Variants in ZBTB45 observed in about 807,000 individuals in gnomAD.
ZBTB45 encodes the protein zinc finger and BTB domain containing 45.
Under a neutral mutation model 28.4 loss-of-function variants are expected in ZBTB45, and 22 were observed. That is an observed-to-expected ratio of 0.77 (90% confidence interval 0.55 to 1.10). ZBTB45 has a LOEUF of 1.10. Ranked by LOEUF, ZBTB45 falls within the 50% of genes least tolerant of loss-of-function variation. The pLI, the probability that ZBTB45 is intolerant of heterozygous loss-of-function variation, is 0.00. For synonymous variants in ZBTB45, 361 were observed against 332.3 expected (o/e 1.09, Z -0.94); for missense variants, 656 against 750.2 (o/e 0.87, Z 1.47).
chr19:58,523,618 TC>T (rs1459042863), upstream of ZBTB45, among the ~76,000 whole-genome samples: 4 of 92 alleles, frequency 0.043, no homozygotes, highest in East Asian at 0.25. Flanking sequence ...GAGCCAGAGA[TC>T]AGCTGTCATT....
chr19:58,524,940 G>A (rs2053600121), intron 1 of ZBTB45, among the ~76,000 whole-genome samples: 1 of 152,072 alleles, frequency 6.6e-6, no homozygotes, highest in Non-Finnish European at 1.5e-5. Flanking sequence ...GATGGGAAAT[G>A]GTGGCCATTG....
chr19:58,532,528 G>A (rs955826888), intron 1 of ZBTB45, among the ~76,000 whole-genome samples: 3 of 152,090 alleles, frequency 2.0e-5, no homozygotes, highest in African/African-American at 4.8e-5. Flanking sequence ...AAGCTGGGGT[G>A]GAGCTCTTCC....
chr19:58,528,052 G>T (rs957565244), intron 1 of ZBTB45, among the ~76,000 whole-genome samples: 1 of 152,038 alleles, frequency 6.6e-6, no homozygotes, highest in Non-Finnish European at 1.5e-5. Flanking sequence ...TGAAAGCTTC[G>T]GGGGATAAAT....
At chr19:58,518,035 C>T (rs1318468629) in intron 1 of ZBTB45, among the ~76,000 whole-genome samples, 1 of 140,012 alleles carries the variant, frequency 7.1e-6, no homozygotes, top group East Asian at 2.5e-4. Context: ...TCCAATAACC[C>T]TAAGCCTCCC....
chr19:58,531,575 A>G (rs557906201), intron 1 of ZBTB45, among the ~76,000 whole-genome samples: 2 of 152,314 alleles, frequency 1.3e-5, no homozygotes, highest in South Asian at 2.1e-4. Context: ...TTCTTTGGTA[A>G]GCAAGCAAGA....
intron 2 of ZBTB45, 31 bp from the exon 3 acceptor site, chr19:58,514,341 A>G: frequency 6.3e-7 from 1 of 1,575,786 alleles, no homozygotes; most frequent in Non-Finnish European, 8.6e-7. Context: ...CGCGAACGCA[A>G]GTCAGACTCT....
rs1175763487 is a variant in ZBTB45 at position 58,515,596 on chromosome 19, ACAGT to A, written c.1279+795_1279+798del. 6.6e-6 allele frequency among the ~76,000 whole-genome samples: 1 copy of A among 152,078 alleles called. No individual in the cohort carries two copies. The highest frequency in any genetic ancestry group is 2.4e-5 in the African/African-American group (1 of 41,410). ...GAACACCATGGCTTCCCCACCACTC[ACAGT>A]CAAATCCCAAGTTCCAGCCCCTGCA... On this transcript the variant is annotated intron_variant, in intron 2 of 2. Transcript: ENST00000594051. The surrounding 1 kb of genome is among the most constrained non-coding windows in gnomAD (Gnocchi z 4.7).
Position 58,516,608 on chromosome 19 carries a change from G to C in ZBTB45, c.1066C>G (p.Pro356Ala). The C allele has an allele frequency of 6.4e-7, 1 of 1,560,838 alleles. No homozygotes were observed. The highest frequency in any genetic ancestry group is 8.7e-7 in the Non-Finnish European group (1 of 1,154,008). The change falls in exon 2 of 3, where the codon CCC (proline) becomes GCC (alanine). Residue 356 changes from proline to alanine, a missense_variant. Pro to Ala is a conservative substitution (Grantham distance 27, BLOSUM62 -1). Around this residue, in one of 3 missense-constraint regions of ZBTB45, gnomAD observed 448 missense variants for 444.3 expected, o/e 1.01. Transcript: ENST00000594051. This position sits in a 1 kb window ranked among gnomAD's most constrained non-coding sequence, Gnocchi z 6.2. Reference sequence around the variant, plus strand: ...AGTGTGGGGTAGAAGGCGGGTGGGGGCGCAGGGGCTGGCCCCGATGGTGCT... The same window carrying C: ...AGTGTGGGGTAGAAGGCGGGTGGGGCCGCAGGGGCTGGCCCCGATGGTGCT... ...PSAPSGPAPA[P>A]PPAFYPTLQP...
chr19:58,533,709 G>T (rs928963148), intron 1 of ZBTB45, among the ~76,000 whole-genome samples: 1 of 152,068 alleles, frequency 6.6e-6, no homozygotes, highest in African/African-American at 2.4e-5. Context: ...TCCCCAACTG[G>T]AACCTTTGAA....
rs529803554 is a variant in ZBTB45, at chr19:58,538,416, C to A, written c.-1+285G>T. Among the ~76,000 whole-genome samples, 26 of 152,124 alleles carry A rather than the reference C, an allele frequency of 1.7e-4. No individual in the cohort carries two copies. In the South Asian group the frequency reaches 5.4e-3, roughly 32 times the overall value. Reference sequence around the variant, plus strand: ...AGGGTGGTGGGCTGGAGGGGGCGGGCCGGCTAGCGAGGCGTGGCCCTATGA... The same window carrying A: ...AGGGTGGTGGGCTGGAGGGGGCGGGACGGCTAGCGAGGCGTGGCCCTATGA... On this transcript the variant is annotated intron_variant, in intron 1 of 1. Coordinates refer to the ZBTB45 transcript ENST00000600130.
At chr19:58,518,817 C>T (rs951312282) in intron 1 of ZBTB45, among the ~76,000 whole-genome samples, 8 of 152,114 alleles carry the variant, frequency 5.3e-5, no homozygotes, top group Non-Finnish European at 8.8e-5. Flanking sequence ...TCCGTATAGG[C>T]TCCACCAGCC....
intron 1 of ZBTB45, among the ~76,000 whole-genome samples, chr19:58,527,356 C>T (rs952986405): frequency 2.0e-5 from 3 of 152,130 alleles, no homozygotes; most frequent in Admixed American, 2.0e-4. Flanking sequence ...TGTTGTGTAA[C>T]CTTCACCACT....
chr19:58,537,144 T>C (rs561062751), intron 1 of ZBTB45, among the ~76,000 whole-genome samples: 35 of 152,146 alleles, frequency 2.3e-4, no homozygotes, highest in Non-Finnish European at 4.4e-4. Context: ...CCCACTCTGC[T>C]GTCCCTGAGT....
At chr19:58,534,704 C>G (rs1035997698) in intron 1 of ZBTB45, among the ~76,000 whole-genome samples, 1 of 151,800 alleles carries the variant, frequency 6.6e-6, no homozygotes, top group Non-Finnish European at 1.5e-5. Flanking sequence ...CTACAGGTGC[C>G]CGCCACCACG....
Position 58,516,869 on chromosome 19 carries a change from C to T in ZBTB45, c.805G>A (p.Gly269Arg), listed in dbSNP as rs762321942. 1.2e-4 allele frequency: 190 copies of T among 1,613,318 alleles called. No homozygotes were observed. Among genetic ancestry groups the T allele is most frequent in the Middle Eastern group, 1.6e-4 (1 of 6,084 alleles). ...PTGLADYSGA[G>R]RDFLRGAGSA... ...CCAGCTCCCCGAAGAAAATCTCTCC[C>T]GGCACCACTGTAGTCAGCGAGGCCA... is the stretch of plus-strand genomic sequence containing the variant. Residue 269 changes from glycine (G) to arginine (R), a missense_variant, in exon 2 of 3, where the codon GGG becomes AGG. Around this residue, in one of 3 missense-constraint regions of ZBTB45, gnomAD observed 448 missense variants for 444.3 expected, o/e 1.01. Coordinates refer to ENST00000594051, the MANE Select transcript of ZBTB45 (RefSeq NM_001316979.2). This position sits in a 1 kb window ranked among gnomAD's most constrained non-coding sequence, Gnocchi z 6.2.
At position 58,516,442 on chromosome 19, in the gene ZBTB45, G is replaced by T. The variant is rs971993250; in HGVS notation, c.1232C>A (p.Thr411Lys). 6.2e-7 allele frequency: 1 copy of T among 1,613,900 alleles called. No homozygotes were observed. Among genetic ancestry groups the T allele is most frequent in the Non-Finnish European group, 8.5e-7 (1 of 1,179,902 alleles). The change falls in exon 2 of 3, where the codon ACG becomes AAG. Residue 411 changes from threonine (T) to lysine (K), a missense_variant. Thr to Lys is a moderately conservative substitution (Grantham distance 78, BLOSUM62 -1). Coordinates refer to ENST00000594051, the MANE Select transcript of ZBTB45 (RefSeq NM_001316979.2). The surrounding 1 kb of genome is among the most constrained non-coding windows in gnomAD (Gnocchi z 6.2). ...GGTGTAGTTTTTCCGGGAGCTGAACGTCTTGCGACAGTGGCTGCACTCATA... is the reference window on the plus strand; with the variant it reads ...GGTGTAGTTTTTCCGGGAGCTGAACTTCTTGCGACAGTGGCTGCACTCATA... ...PTYECSHCRK[T>K]FSSRKNYTKH...
At chr19:58,529,019 G>C (rs1034952309) in intron 1 of ZBTB45, among the ~76,000 whole-genome samples, 1 of 149,918 alleles carries the variant, frequency 6.7e-6, no homozygotes, top group Non-Finnish European at 1.5e-5. Flanking sequence ...GGGAGGCAGA[G>C]GTTGCAGTGA....
chr19:58,520,778 C>T (rs911685008), upstream of ZBTB45, among the ~76,000 whole-genome samples: 6 of 151,880 alleles, frequency 4.0e-5, no homozygotes, highest in East Asian at 1.9e-4. Context: ...CCTCATGGCC[C>T]GGCGCAGTGG....
At chr19:58,538,871 C>T (rs922732230) in exon 1 of ZBTB45, 1 of 152,190 alleles carries the variant, frequency 6.6e-6, no homozygotes, top group Non-Finnish European at 1.5e-5. Flanking sequence ...GCCCACCCCC[C>T]CGGGGCCAGC....
Sources: allele counts gnomAD v4.1 joint callset (sites outside exome capture counted in the v4.1 genomes callset), GRCh38; gene constraint gnomAD v4.1.1; regional missense constraint gnomAD v4.1.1; non-coding constraint Gnocchi (gnomAD v3.1); transcripts MANE v1.5; gene names NCBI Gene and HGNC (gene_info 2026-07-23, HGNC 2026-07-21).